MTHFD1: variants seen among roughly 807,000 people sequenced by gnomAD.
MTHFD1 encodes C-1-tetrahydrofolate synthase, cytoplasmic.
In MTHFD1, 44 loss-of-function variants were observed where a neutral mutation model predicts 110.3. The observed-to-expected ratio is 0.40, with a 90% CI of 0.31 to 0.51. The LOEUF (loss-of-function observed/expected upper bound fraction) is 0.51, where lower values mean the gene tolerates loss of function less well. MTHFD1 is among the 20% of genes least tolerant of loss of function. The probability of loss-of-function intolerance (pLI) is 0.60; values close to 1 mark genes in which losing one functional copy is unlikely to be tolerated. For missense variants in MTHFD1, 909 were observed against 1,173.1 expected (o/e 0.77, Z 3.29); for synonymous variants, 402 against 428.8 (o/e 0.94, Z 0.77).
Position 64,425,803 on chromosome 14 carries a change from T to G in MTHFD1, c.929T>G (p.Leu310Arg). 3.7e-6 allele frequency: 6 copies of G among 1,613,938 alleles called. No homozygotes were observed. Among genetic ancestry groups the G allele is most frequent in the Non-Finnish European group, 4.2e-6 (5 of 1,179,914 alleles). Residue 310 changes from leucine (L) to arginine (R), a missense_variant, in exon 10 of 28, where the codon CTT becomes CGT. Leu to Arg is a moderately radical substitution (Grantham distance 102). Transcript: ENST00000652337. Reference sequence around the variant, plus strand: ...AAGTGGATGATTCAGTATAACAACCTTAACCTCAAGACACCTGTTCCAAGG... The same window carrying G: ...AAGTGGATGATTCAGTATAACAACCGTAACCTCAAGACACCTGTTCCAAGG... ...PGKWMIQYNN[L>R]NLKTPVPSDI...
At chr14:64,433,132 G>A (rs2078173882) in intron 15 of MTHFD1, among the ~76,000 whole-genome samples, 1 of 151,944 alleles carries the variant, frequency 6.6e-6, no homozygotes, top group Non-Finnish European at 1.5e-5. Flanking sequence ...TTGTTTGTTT[G>A]TTTGTTTAAG....
At chr14:64,429,358 T>TCTGGAGTCCCAGCTCAGG (rs2078141834) in intron 12 of MTHFD1, among the ~76,000 whole-genome samples, 2 of 150,236 alleles carry the variant, frequency 1.3e-5, no homozygotes, top group Non-Finnish European at 3.0e-5. Flanking sequence ...TCTTGCTCTG[T>TCTGGAGTCCCAGCTCAGG]CTGGAGTCCC....
chr14:64,403,589 TAGAG>T (rs2077915352), intron 2 of MTHFD1, among the ~76,000 whole-genome samples: 1 of 79,680 alleles, frequency 1.3e-5, no homozygotes, highest in Admixed American at 1.5e-4. Flanking sequence ...TATTTTTTTG[TAGAG>T]TTTTTTTTTG....
intron 7 of MTHFD1, 65 bp downstream of exon 7, chr14:64,418,089 A>G (rs1239986647): frequency 4.4e-6 from 7 of 1,591,146 alleles, no homozygotes; most frequent in Admixed American, 1.7e-5. Flanking sequence ...AGAGGCTGCC[A>G]TGTCCTTTAC....
chr14:64,433,667 G>GA (rs1223867811), intron 15 of MTHFD1, among the ~76,000 whole-genome samples: 6 of 150,696 alleles, frequency 4.0e-5, no homozygotes, highest in Non-Finnish European at 7.4e-5. Context: ...TGCCTACCTT[G>GA]GCATACCAAA....
intron 22 of MTHFD1, 191 bp from the exon 23 acceptor site, chr14:64,448,026 C>T: frequency 1.6e-6 from 1 of 620,114 alleles, no homozygotes; most frequent in Admixed American, 2.5e-5. Flanking sequence ...GGAGTGAAAG[C>T]TGCAGTTCTC....
At chr14:64,439,229 T>G in intron 17 of MTHFD1, 57 bp downstream of exon 17, 1 of 1,234,572 alleles carries the variant, frequency 8.1e-7, no homozygotes, top group Non-Finnish European at 1.2e-6. Flanking sequence ...TCTTGCTGCT[T>G]CTCTCCTCCT....
At chr14:64,424,697 G>C (rs2140963015) in intron 8 of MTHFD1, 107 bp from the exon 9 acceptor site, 1 of 1,235,666 alleles carries the variant, frequency 8.1e-7, no homozygotes, top group East Asian at 2.4e-5. Flanking sequence ...AGGCACTGGA[G>C]CCTGATGGGA....
chr14:64,392,150 AAC>A (rs758628490), intron 1 of MTHFD1, among the ~76,000 whole-genome samples: 1 of 152,194 alleles, frequency 6.6e-6, no homozygotes, highest in Non-Finnish European at 1.5e-5. Flanking sequence ...CCTGACCAAA[AAC>A]ACAGCCTGTG....
chr14:64,449,898 C>T (rs991410052), intron 24 of MTHFD1, among the ~76,000 whole-genome samples: 21 of 152,256 alleles, frequency 1.4e-4, no homozygotes, highest in Non-Finnish European at 2.6e-4. Context: ...AAGTGATTCT[C>T]CTGCCTCAGC....
At chr14:64,430,856 AAC>A (rs2078152741) in intron 13 of MTHFD1, among the ~76,000 whole-genome samples, 1 of 152,120 alleles carries the variant, frequency 6.6e-6, no homozygotes, top group African/African-American at 2.4e-5. Context: ...CAGAAATTGG[AAC>A]ATTACATAGA....
chr14:64,418,099 C>A, intron 7 of MTHFD1, 75 bp downstream of exon 7: 1 of 1,538,732 alleles, frequency 6.5e-7, no homozygotes, highest in Non-Finnish European at 9.0e-7. Flanking sequence ...ATGTCCTTTA[C>A]ACTCATGACC....
intron 13 of MTHFD1, 23 bp from the exon 14 acceptor site, chr14:64,431,509 A>G: frequency 6.3e-7 from 1 of 1,578,088 alleles, no homozygotes; most frequent in Non-Finnish European, 8.7e-7. Context: ...TGGGAGACTA[A>G]TGTGGCTTCT....
chr14:64,441,758 A>G (rs181485144), intron 19 of MTHFD1: 670 of 548,522 alleles, frequency 1.2e-3, no homozygotes, highest in Admixed American at 2.3e-3. Flanking sequence ...AGCCGAGATC[A>G]CGCCACTGCA....
chr14:64,430,345 C>A, intron 13 of MTHFD1, 115 bp downstream of exon 13: 3 of 1,013,644 alleles, frequency 3.0e-6, no homozygotes, highest in Non-Finnish European at 4.6e-6. Flanking sequence ...TTGCCCAGAG[C>A]TGGAGTGCAA....
chr14:64,398,539 C>T (rs946922104), intron 1 of MTHFD1, among the ~76,000 whole-genome samples: 11 of 151,750 alleles, frequency 7.2e-5, no homozygotes, highest in African/African-American at 2.7e-4. Context: ...AGAGCCAGAC[C>T]CTGTCTCAAA....
chr14:64,421,978 A>T (rs938571641), intron 8 of MTHFD1, among the ~76,000 whole-genome samples: 9 of 148,802 alleles, frequency 6.0e-5, no homozygotes, highest in African/African-American at 2.2e-4. Context: ...TGCTTTTGGC[A>T]TTTTTTTTTT....
chr14:64,455,078 T>C, intron 26 of MTHFD1: 1 of 596,716 alleles, frequency 1.7e-6, no homozygotes, highest in South Asian at 1.9e-5. Context: ...TGGTGTCAAA[T>C]CAAGAATGAT....
chr14:64,454,675 G>T, intron 25 of MTHFD1, 48 bp from the exon 26 acceptor site: 2 of 1,528,158 alleles, frequency 1.3e-6, no homozygotes, highest in Non-Finnish European at 9.1e-7. Flanking sequence ...GTCATTGCTG[G>T]GTTGTCATCT....
Sources: allele counts gnomAD v4.1 joint callset (sites outside exome capture counted in the v4.1 genomes callset), GRCh38; gene constraint gnomAD v4.1.1; transcripts MANE v1.5; gene names NCBI Gene and HGNC (gene_info 2026-07-23, HGNC 2026-07-21).